OXNAD1: variants seen among roughly 807,000 people sequenced by gnomAD.
OXNAD1 encodes oxidoreductase NAD binding domain containing 1, also known as oxidoreductase NAD-binding domain-containing protein 1.
Under a neutral mutation model 32.9 loss-of-function variants are expected in OXNAD1, and 34 were observed. The ratio of observed to expected loss-of-function variants is 1.03; its 90% CI spans 0.79 to 1.38. OXNAD1 has a LOEUF of 1.38. OXNAD1 is among the 40% of genes most tolerant of loss of function. The pLI is 0.00. For missense variants in OXNAD1, 407 were observed against 379.4 expected, an observed-to-expected ratio of 1.07 and a Z score of -0.60; for synonymous variants, 134 against 135.2, an observed-to-expected ratio of 0.99 and a Z score of 0.06.
chr3:16,351,499 C>T (rs2072101108), downstream of OXNAD1, among the ~76,000 whole-genome samples: 1 of 152,174 alleles, frequency 6.6e-6, no homozygotes, highest in African/African-American at 2.4e-5. The surrounding 1 kb of genome is among the most constrained non-coding windows in gnomAD (Gnocchi z 5.4). Context: ...GACTCCAGAG[C>T]CTCATGACAA....
Position 16,344,504 on chromosome 3 carries a change from G to A in OXNAD1, c.*31-4672G>A, listed in dbSNP as rs1276414868. Among the ~76,000 whole-genome samples, 1 of 151,842 alleles carries A rather than the reference G, an allele frequency of 6.6e-6. No homozygotes were observed. Among genetic ancestry groups the A allele is most frequent in the African/African-American group, 2.4e-5 (1 of 41,284 alleles). On this transcript the variant is annotated intron_variant, in intron 9 of 9. Transcript: ENST00000606098. The surrounding 1 kb of genome is among the most constrained non-coding windows in gnomAD (Gnocchi z 4.4). ...ACCTGCCCTGGCCTTCTTCCCCCTCGCCCAACTAGAATGCTTTATGTGGAG... is the reference window on the plus strand; with the variant it reads ...ACCTGCCCTGGCCTTCTTCCCCCTCACCCAACTAGAATGCTTTATGTGGAG...
In OXNAD1 at chr3:16,345,857, T is replaced by C. The variant is rs1048609377; in HGVS notation, c.*31-3319T>C. Among the ~76,000 whole-genome samples, 2 of 143,586 alleles carry C rather than the reference T, an allele frequency of 1.4e-5. No homozygotes were observed. The highest frequency in any genetic ancestry group is 3.1e-5 in the Non-Finnish European group (2 of 64,172). The allele number at this position is 143,586 out of a possible 152,430, so 94.2% of individuals were successfully genotyped here. A position where few individuals can be genotyped will look rare whatever the true frequency, so the allele number is the denominator to read the frequency against. On this transcript the variant is annotated intron_variant, in intron 9 of 9. Coordinates refer to the OXNAD1 transcript ENST00000606098. The surrounding 1 kb of genome is among the most constrained non-coding windows in gnomAD (Gnocchi z 5.2). ...GCGCACGCGCACATGTGCATGTGTA[T>C]GTGTATAATCTCCTACTGGTTCTGT...
chr3:16,281,895 CTTTTTTTTTTTT>C (rs1213407558), intron 4 of OXNAD1, among the ~76,000 whole-genome samples: 2 of 110,552 alleles, frequency 1.8e-5, no homozygotes, highest in Non-Finnish European at 3.8e-5. Context: ...AATAACATTT[CTTTTTTTTTTTT>C]TTTTTTTTTG....
At chr3:16,347,615 T>G (rs926656174) in intron 9 of OXNAD1, 5 of 152,250 alleles carry the variant, frequency 3.3e-5, no homozygotes, top group African/African-American at 1.2e-4. Flanking sequence ...CATACCCACC[T>G]CTGTGTGCAC....
Position 16,345,788 on chromosome 3 carries a change from C to CTGTCTGTGTGTGTG in OXNAD1, c.*31-3385_*31-3384insCTGTGTGTGTGTGT, listed in dbSNP as rs765619275. On this transcript the variant is annotated intron_variant, in intron 9 of 9. Coordinates refer to the OXNAD1 transcript ENST00000606098. This position sits in a 1 kb window ranked among gnomAD's most constrained non-coding sequence, Gnocchi z 5.2. ...TGAGCCAAAACCTTATAATAAATCT[C>CTGTCTGTGTGTGTG]TGTGTGTGTGTGTGTGTGTGTGTGT... Among the ~76,000 whole-genome samples the CTGTCTGTGTGTGTG allele has an allele frequency of 1.2e-3, 151 of 127,152 alleles. No individual in the cohort carries two copies. The highest frequency in any genetic ancestry group is 2.0e-3 in the Admixed American group (26 of 12,898). The allele number at this position is 127,152 out of a possible 152,430, so 83.4% of individuals were successfully genotyped here.
At chr3:16,268,189 G>A (rs574717907) in intron 1 of OXNAD1, among the ~76,000 whole-genome samples, 3 of 151,930 alleles carry the variant, frequency 2.0e-5, no homozygotes, top group Non-Finnish European at 4.4e-5. Context: ...TAAAGGACTG[G>A]CATAAAGCTT....
Position 16,316,937 on chromosome 3 carries a change from T to TG in OXNAD1, c.*30+13347dup. ...GCAAATCCCCACCAGGGCCCTGCTGTGGCTGGCAGGACCATTCTGCACAGC... is the reference window on the plus strand; with the variant it reads ...GCAAATCCCCACCAGGGCCCTGCTGTGGGCTGGCAGGACCATTCTGCACAGC... On this transcript the variant is annotated intron_variant, in intron 9 of 9. Transcript: ENST00000435829. The surrounding 1 kb of genome is among the most constrained non-coding windows in gnomAD (Gnocchi z 4.5). The TG allele has an allele frequency of 6.2e-7, 1 of 1,614,108 alleles. No homozygotes were observed. The highest frequency in any genetic ancestry group is 8.5e-7 in the Non-Finnish European group (1 of 1,180,022).
intron 2 of OXNAD1, among the ~76,000 whole-genome samples, chr3:16,269,692 G>C (rs1241877874): frequency 6.6e-6 from 1 of 152,204 alleles, no homozygotes; most frequent in Non-Finnish European, 1.5e-5. Flanking sequence ...GTGGACTCTT[G>C]ATAGATACTC....
chr3:16,275,560 C>T (rs2065257982), intron 4 of OXNAD1: 1 of 153,292 alleles, frequency 6.5e-6, no homozygotes, highest in African/African-American at 2.4e-5. Context: ...CAGAGCAAGA[C>T]CCTGTCTCTT....
chr3:16,267,492 C>T (rs1175155184), intron 1 of OXNAD1, among the ~76,000 whole-genome samples: 1 of 142,346 alleles, frequency 7.0e-6, no homozygotes, highest in African/African-American at 2.8e-5. Flanking sequence ...GGCCTTGGTT[C>T]CTTTAACATG....
In OXNAD1 at chr3:16,303,369, T is replaced by C. The variant is rs2067319917; in HGVS notation, c.785-39T>C. On this transcript the variant is annotated intron_variant, in intron 8 of 8. Coordinates refer to ENST00000285083, the MANE Select transcript of OXNAD1 (RefSeq NM_138381.5). This position sits in a 1 kb window ranked among gnomAD's most constrained non-coding sequence, Gnocchi z 4.8. ...CCTTCCTCATTTGCTGATACAACCA[T>C]GTCTGGCTTAATTTGGTGTTTATTC... 1 of 1,608,052 alleles carries C rather than the reference T, an allele frequency of 6.2e-7. No individual in the cohort carries two copies. Among genetic ancestry groups the C allele is most frequent in the Non-Finnish European group, 8.5e-7 (1 of 1,176,086 alleles).
At chr3:16,294,430 A>G (rs1370322545) in intron 5 of OXNAD1, among the ~76,000 whole-genome samples, 1 of 152,168 alleles carries the variant, frequency 6.6e-6, no homozygotes, top group African/African-American at 2.4e-5. Context: ...GTTGGTCTCA[A>G]ACTCCTGACC....
rs1444562383 is a variant in OXNAD1 at position 16,320,253 on chromosome 3, T to A, written c.*30+16661T>A. On this transcript the variant is annotated intron_variant, in intron 9 of 9. Coordinates refer to the OXNAD1 transcript ENST00000435829. The surrounding 1 kb of genome is among the most constrained non-coding windows in gnomAD (Gnocchi z 4.5). ...AGAAGTTTAATATTTGCCTTGAAAA[T>A]CACACGCACGTACACAGAGGTTTCT... Among the ~76,000 whole-genome samples, 2 of 152,202 alleles carry A rather than the reference T, an allele frequency of 1.3e-5. No homozygotes were observed. Among genetic ancestry groups the A allele is most frequent in the Non-Finnish European group, 2.9e-5 (2 of 68,042 alleles).
downstream of OXNAD1, among the ~76,000 whole-genome samples, chr3:16,351,570 T>C (rs758604943): frequency 1.6e-4 from 25 of 152,090 alleles, no homozygotes; most frequent in Non-Finnish European, 2.9e-4. The surrounding 1 kb of genome is among the most constrained non-coding windows in gnomAD (Gnocchi z 5.4). Flanking sequence ...AGGCTGTACT[T>C]GCAGAAATAC....
chr3:16,296,787 A>G (rs1048802187), intron 6 of OXNAD1, among the ~76,000 whole-genome samples: 4 of 152,182 alleles, frequency 2.6e-5, no homozygotes, highest in South Asian at 2.1e-4. Context: ...AAAAAACAAA[A>G]AAACGAAAAA....
chr3:16,279,094 G>T (rs578030501), intron 4 of OXNAD1, among the ~76,000 whole-genome samples: 35 of 152,316 alleles, frequency 2.3e-4, no homozygotes, highest in South Asian at 2.3e-3. Flanking sequence ...GAGCTTGATG[G>T]TCAAAGAACC....
At chr3:16,267,058 T>C (rs755146481) in intron 1 of OXNAD1, among the ~76,000 whole-genome samples, 2 of 152,248 alleles carry the variant, frequency 1.3e-5, no homozygotes, top group South Asian at 2.1e-4. Flanking sequence ...GATGTCATGA[T>C]TGTTCTTTGA....
chr3:16,288,697 C>A lies in OXNAD1; in HGVS notation c.290+2249C>A, dbSNP rs1224561359. ...CAAAGGCAGAACCACCTCAAAACATCTCTCACATGAGCAGGGTTGAACTTC... is the reference window on the plus strand; with the variant it reads ...CAAAGGCAGAACCACCTCAAAACATATCTCACATGAGCAGGGTTGAACTTC... On this transcript the variant is annotated intron_variant, in intron 5 of 8. Coordinates refer to ENST00000285083, the MANE Select transcript of OXNAD1 (RefSeq NM_138381.5). The surrounding 1 kb of genome is among the most constrained non-coding windows in gnomAD (Gnocchi z 5.1). Among the ~76,000 whole-genome samples, 1 of 152,212 alleles carries A rather than the reference C, an allele frequency of 6.6e-6. No homozygotes were observed. The highest frequency in any genetic ancestry group is 1.5e-5 in the Non-Finnish European group (1 of 68,038).
In OXNAD1 at chr3:16,335,932, T is replaced by G. The variant is rs1323558836; in HGVS notation, c.*31-1180T>G. ...GGAAGTGGCCGACAGCAAGGACTGGTGGCAGCTGCTAGTGCAGAGGAGGCA... is the reference window on the plus strand; with the variant it reads ...GGAAGTGGCCGACAGCAAGGACTGGGGGCAGCTGCTAGTGCAGAGGAGGCA... On this transcript the variant is annotated intron_variant, in intron 9 of 9. Transcript: ENST00000435829. The surrounding 1 kb of genome is among the most constrained non-coding windows in gnomAD (Gnocchi z 4.7). 6.6e-6 allele frequency among the ~76,000 whole-genome samples: 1 copy of G among 152,198 alleles called. No homozygotes were observed. Among genetic ancestry groups the G allele is most frequent in the Non-Finnish European group, 1.5e-5 (1 of 68,028 alleles).
Sources: allele counts gnomAD v4.1 joint callset (sites outside exome capture counted in the v4.1 genomes callset), GRCh38; gene constraint gnomAD v4.1.1; non-coding constraint Gnocchi (gnomAD v3.1); transcripts MANE v1.5; gene names NCBI Gene and HGNC (gene_info 2026-07-23, HGNC 2026-07-21).